The following BMAL2 variants were observed in gnomAD, a reference collection of about 807,000 sequenced individuals.
BMAL2 encodes basic helix-loop-helix ARNT like 2.
the BMAL2 span, among the ~76,000 whole-genome samples, chr12:27,419,586 T>C: frequency 6.6e-6 from 1 of 152,214 alleles, no homozygotes; most frequent in Non-Finnish European, 1.5e-5. Flanking sequence ...TTCCAACACA[T>C]GAATTTTAGT....
chr12:27,339,465 A>G, the BMAL2 span, among the ~76,000 whole-genome samples: 2 of 152,212 alleles, frequency 1.3e-5, no homozygotes, highest in African/African-American at 2.4e-5. Context: ...CTTTGGATAT[A>G]TACACAGTAA....
the BMAL2 span, among the ~76,000 whole-genome samples, chr12:27,404,884 C>T: frequency 1.2e-3 from 190 of 152,278 alleles, 1 homozygote; most frequent in African/African-American, 4.3e-3. Context: ...CCTGGAAAAT[C>T]GGGTCACTCC....
chr12:27,389,137 AG>A, the BMAL2 span: 1 of 1,294,992 alleles, frequency 7.7e-7, no homozygotes, highest in East Asian at 2.3e-5. Context: ...ATGTAGAAAA[AG>A]CATGGTACTG....
chr12:27,350,880 G>A, the BMAL2 span, among the ~76,000 whole-genome samples: 1 of 151,836 alleles, frequency 6.6e-6, no homozygotes. Flanking sequence ...GGAGTTCACT[G>A]TGTTGGCCAG....
the BMAL2 span, among the ~76,000 whole-genome samples, chr12:27,359,972 G>C: frequency 6.6e-6 from 1 of 150,648 alleles, no homozygotes; most frequent in African/African-American, 2.4e-5. Context: ...AGGATGGCTT[G>C]AGCCCAGGAG....
chr12:27,407,647 A>C, the BMAL2 span, among the ~76,000 whole-genome samples: 2 of 152,222 alleles, frequency 1.3e-5, no homozygotes, highest in Non-Finnish European at 2.9e-5. Context: ...AGCAGGAAAG[A>C]TCTAAAATTG....
chr12:27,425,239 TACTC>T, the BMAL2 span: 1 of 152,172 alleles, frequency 6.6e-6, no homozygotes, highest in Admixed American at 6.5e-5. Flanking sequence ...ATTTTATAAT[TACTC>T]ATTTGTAGTT....
the BMAL2 span, among the ~76,000 whole-genome samples, chr12:27,381,241 G>A: frequency 2.6e-5 from 4 of 152,262 alleles, no homozygotes; most frequent in South Asian, 6.2e-4. Flanking sequence ...ACTTGAGCTT[G>A]AATTTTAAAT....
At chr12:27,420,774 C>A in the BMAL2 span, 1 of 357,424 alleles carries the variant, frequency 2.8e-6, no homozygotes, top group East Asian at 4.6e-5. Flanking sequence ...CCACTAGTTG[C>A]CATATTTTTG....
At chr12:27,342,827 C>T in the BMAL2 span, among the ~76,000 whole-genome samples, 1 of 152,218 alleles carries the variant, frequency 6.6e-6, no homozygotes, top group African/African-American at 2.4e-5. Context: ...TCCAATTCTC[C>T]ATGCATCATG....
chr12:27,380,547 C>A, the BMAL2 span: 1 of 907,928 alleles, frequency 1.1e-6, no homozygotes, highest in Non-Finnish European at 1.7e-6. Flanking sequence ...TGGCATTTGT[C>A]TATAGTCTGT....
the BMAL2 span, among the ~76,000 whole-genome samples, chr12:27,395,242 A>G: frequency 6.6e-6 from 1 of 152,246 alleles, no homozygotes; most frequent in Non-Finnish European, 1.5e-5. Flanking sequence ...AAGCAATAGC[A>G]GGACTCCACC....
At chr12:27,368,489 T>C in the BMAL2 span, 2 of 1,511,164 alleles carry the variant, frequency 1.3e-6, no homozygotes, top group Non-Finnish European at 1.8e-6. Flanking sequence ...TTTAAAATCA[T>C]TAATTATTTC....
chr12:27,386,079 G>A, the BMAL2 span, among the ~76,000 whole-genome samples: 1 of 151,894 alleles, frequency 6.6e-6, no homozygotes, highest in African/African-American at 2.4e-5. Flanking sequence ...TGTGCTGTGT[G>A]ACTACTAGGT....
At chr12:27,391,725 T>C in the BMAL2 span, among the ~76,000 whole-genome samples, 14 of 152,358 alleles carry the variant, frequency 9.2e-5, no homozygotes, top group African/African-American at 3.4e-4. Flanking sequence ...TTCAGTAACT[T>C]GCAGAGAGTC....
At chr12:27,367,767 A>C in the BMAL2 span, among the ~76,000 whole-genome samples, 470 of 151,174 alleles carry the variant, frequency 3.1e-3, 1 homozygote, top group South Asian at 0.011. Flanking sequence ...AAATGTGTCT[A>C]TATATATATA....
the BMAL2 span, among the ~76,000 whole-genome samples, chr12:27,347,748 G>A: frequency 6.6e-6 from 1 of 152,268 alleles, no homozygotes; most frequent in Admixed American, 6.5e-5. Context: ...GTTTTATCCT[G>A]AGTGCCATGC....
At chr12:27,417,184 G>A in the BMAL2 span, among the ~76,000 whole-genome samples, 3 of 152,134 alleles carry the variant, frequency 2.0e-5, no homozygotes, top group Non-Finnish European at 4.4e-5. Context: ...AGACAATATA[G>A]GCAAATGATT....
At chr12:27,381,387 C>T in the BMAL2 span, among the ~76,000 whole-genome samples, 1 of 152,134 alleles carries the variant, frequency 6.6e-6, no homozygotes, top group Non-Finnish European at 1.5e-5. Context: ...GTGCAGGAAG[C>T]ATGGTGGCTT....
Sources: gnomAD v4.1 joint callset for allele counts (sites outside exome capture counted in the v4.1 genomes callset) on GRCh38, gnomAD v4.1.1 for gene constraint, MANE v1.5 for transcripts, NCBI Gene and HGNC (gene_info 2026-07-23, HGNC 2026-07-21) for gene names.